Variants in TBC1D31 observed in about 807,000 individuals in gnomAD.
The protein encoded by TBC1D31 is TBC1 domain family member 31.
TBC1D31 carries 99 observed loss-of-function variants against 132.9 expected under a neutral mutation model. That is an observed-to-expected ratio of 0.74 (90% CI 0.63 to 0.88). The LOEUF is 0.88. Ranked by LOEUF, TBC1D31 falls within the 40% of genes least tolerant of loss-of-function variation. The pLI is 0.00. For synonymous variants in TBC1D31, 385 were observed against 419.4 expected (o/e 0.92, Z 1.00); for missense variants, 1,134 against 1,256.6 (o/e 0.90, Z 1.48).
intron 1 of TBC1D31, among the ~76,000 whole-genome samples, chr8:123,075,731 A>C (rs769305680): frequency 5.9e-5 from 9 of 152,100 alleles, no homozygotes; most frequent in Non-Finnish European, 1.2e-4. Context: ...AAATCCAAAA[A>C]TTTATGAAAA....
At chr8:123,082,478 T>A in intron 2 of TBC1D31, 1 of 470,050 alleles carries the variant, frequency 2.1e-6, no homozygotes, top group Non-Finnish European at 3.8e-6. Context: ...CTAAAACACA[T>A]ACCTGATTGT....
rs750539854 is a variant in TBC1D31, at chr8:123,084,223, G to A, written c.402G>A (p.Val134=). Reference sequence around the variant, plus strand: ...AATCATCAGTATTTTCGATCTCTGTGCATGCATCAGGGAAATATGCCATCA... The same window carrying A: ...AATCATCAGTATTTTCGATCTCTGTACATGCATCAGGGAAATATGCCATCA... ...GHESSVFSIS[V]HASGKYAITT... is the part of the protein sequence containing the mutation. Residue 134 remains valine, a synonymous_variant, in exon 4 of 22, where the codon GTG becomes GTA. Coordinates refer to ENST00000287380, the MANE Select transcript of TBC1D31 (RefSeq NM_145647.4). 33 of 1,614,168 alleles carry A rather than the reference G, an allele frequency of 2.0e-5. No individual in the cohort carries two copies. The East Asian group carries it at 5.1e-4, about 25-fold the overall frequency.
At chr8:123,117,801 A>C (rs1006639591) in intron 10 of TBC1D31, among the ~76,000 whole-genome samples, 8 of 151,324 alleles carry the variant, frequency 5.3e-5, no homozygotes, top group African/African-American at 1.9e-4. Flanking sequence ...GTGGTGGCAC[A>C]CACCTATAGT....
intron 11 of TBC1D31, among the ~76,000 whole-genome samples, chr8:123,124,075 A>T (rs2130748674): frequency 6.6e-6 from 1 of 151,120 alleles, no homozygotes; most frequent in African/African-American, 2.4e-5. Context: ...TTGAAAAAAA[A>T]AAAAAAAAGT....
intron 2 of TBC1D31, among the ~76,000 whole-genome samples, chr8:123,079,221 A>G (rs1177346032): frequency 6.6e-6 from 1 of 152,244 alleles, no homozygotes; most frequent in Non-Finnish European, 1.5e-5. Flanking sequence ...TCCTTTTGCT[A>G]TAAAGAACTT....
chr8:123,138,809 CTTGTTTTGTT>C (rs913677688), intron 17 of TBC1D31, among the ~76,000 whole-genome samples: 2 of 151,686 alleles, frequency 1.3e-5, no homozygotes, highest in Admixed American at 6.6e-5. Context: ...GGTCATATTT[CTTGTTTTGTT>C]TTGTTTTTGA....
At chr8:123,076,892 G>T (rs1300317237) in intron 1 of TBC1D31, among the ~76,000 whole-genome samples, 1 of 152,128 alleles carries the variant, frequency 6.6e-6, no homozygotes, top group African/African-American at 2.4e-5. Flanking sequence ...GAGTTTTCAA[G>T]TATTTGATGA....
intron 8 of TBC1D31, among the ~76,000 whole-genome samples, chr8:123,106,606 C>T (rs1817949147): frequency 1.3e-5 from 2 of 152,152 alleles, no homozygotes. Context: ...TGGAACATTT[C>T]CTCGTCAAAT....
chr8:123,162,077 C>T, the TBC1D31 span, among the ~76,000 whole-genome samples: 1 of 145,306 alleles, frequency 6.9e-6, no homozygotes, highest in Admixed American at 6.9e-5. Context: ...GGATTCCATA[C>T]AAACCAAAAT....
chr8:123,100,007 C>T (rs1304036877), intron 6 of TBC1D31, among the ~76,000 whole-genome samples: 1 of 152,100 alleles, frequency 6.6e-6, no homozygotes, highest in African/African-American at 2.4e-5. Context: ...AGGGCAGAGC[C>T]GTCATGCCCT....
chr8:123,147,550 G>A (rs1398046061), intron 20 of TBC1D31, among the ~76,000 whole-genome samples: 1 of 152,182 alleles, frequency 6.6e-6, no homozygotes, highest in Non-Finnish European at 1.5e-5. Flanking sequence ...AAGAAACTGT[G>A]AAAAGCTTTC....
At chr8:123,152,172 GT>G, downstream of TBC1D31, 1 of 362,726 alleles carries the variant, frequency 2.8e-6, no homozygotes, top group Non-Finnish European at 4.8e-6. Flanking sequence ...AAGCTTTCAG[GT>G]TGCAGGGACC....
At chr8:123,127,091 T>C (rs1404527113) in intron 13 of TBC1D31, among the ~76,000 whole-genome samples, 1 of 152,090 alleles carries the variant, frequency 6.6e-6, no homozygotes, top group East Asian at 1.9e-4. Flanking sequence ...CCCTGTTATA[T>C]GTCAGACACT....
At position 123,152,023 on chromosome 8, in the gene TBC1D31, C is replaced by G. The variant is rs908954559; in HGVS notation, c.*84C>G. ...ATTTTTAGATTATTTATTTAAAATT[C>G]CTATAAAGATCAGCCCTTTGTACAG... is the stretch of plus-strand genomic sequence containing the variant. On this transcript the variant is annotated 3_prime_UTR_variant, in exon 22 of 22. Coordinates refer to ENST00000287380, the MANE Select transcript of TBC1D31 (RefSeq NM_145647.4). 1.0e-5 allele frequency: 13 copies of G among 1,265,704 alleles called. No individual in the cohort carries two copies. The Admixed American group carries it at 4.0e-4, about 39-fold the overall frequency. The allele number at this position is 1,265,704 out of a possible 1,614,324, so 78.4% of individuals were successfully genotyped here.
intron 4 of TBC1D31, among the ~76,000 whole-genome samples, chr8:123,089,685 G>A (rs1252987779): frequency 2.6e-5 from 4 of 152,358 alleles, no homozygotes; most frequent in African/African-American, 9.6e-5. Flanking sequence ...TGCAGCCTGG[G>A]CGACAGAGTG....
intron 4 of TBC1D31, 60 bp downstream of exon 4, chr8:123,084,400 G>A: frequency 6.7e-7 from 1 of 1,483,346 alleles, no homozygotes; most frequent in Admixed American, 1.7e-5. Flanking sequence ...TTGGTCAACA[G>A]GATGTATAGA....
chr8:123,091,012 A>G (rs888221970), intron 4 of TBC1D31, among the ~76,000 whole-genome samples: 1 of 152,086 alleles, frequency 6.6e-6, no homozygotes, highest in Non-Finnish European at 1.5e-5. Flanking sequence ...GAGTTCATCT[A>G]CCTCCTAAAA....
At chr8:123,128,152 C>T in intron 13 of TBC1D31, 129 bp from the exon 14 acceptor site, 1 of 487,456 alleles carries the variant, frequency 2.1e-6, no homozygotes, top group Non-Finnish European at 3.6e-6. Flanking sequence ...TAAAGAAAAG[C>T]TTTAATGAAT....
downstream of TBC1D31, among the ~76,000 whole-genome samples, chr8:123,155,622 C>T (rs1822968815): frequency 6.6e-6 from 1 of 152,186 alleles, no homozygotes; most frequent in African/African-American, 2.4e-5. This position sits in a 1 kb window ranked among gnomAD's most constrained non-coding sequence, Gnocchi z 4.1. Context: ...ATACCTGTCA[C>T]CCAGTTTCCA....
Sources: gnomAD v4.1 joint callset for allele counts (sites outside exome capture counted in the v4.1 genomes callset) on GRCh38, gnomAD v4.1.1 for gene constraint, Gnocchi (gnomAD v3.1) non-coding constraint, MANE v1.5 for transcripts, NCBI Gene and HGNC (gene_info 2026-07-23, HGNC 2026-07-21) for gene names.